The following PRTFDC1 variants were observed in gnomAD, a reference collection of about 807,000 sequenced individuals.
The protein encoded by PRTFDC1 is phosphoribosyl transferase domain containing 1.
In PRTFDC1, 38 loss-of-function variants were observed where a neutral mutation model predicts 34.6. The observed-to-expected ratio is 1.10, with a 90% CI of 0.85 to 1.44. The LOEUF (loss-of-function observed/expected upper bound fraction) is 1.44. PRTFDC1 is among the 40% of genes most tolerant of loss of function. The pLI is 0.00. For synonymous variants in PRTFDC1, 93 were observed against 98.1 expected (o/e 0.95, Z 0.31); for missense variants, 270 against 283.0 (o/e 0.95, Z 0.33).
chr10:24,860,958 A>C (rs1047085612), intron 4 of PRTFDC1, among the ~76,000 whole-genome samples: 2 of 152,238 alleles, frequency 1.3e-5, no homozygotes, highest in Non-Finnish European at 2.9e-5. Context: ...AACCTTTCTA[A>C]AATGTGTTAG....
chr10:24,945,168 A>C (rs1431029469), intron 1 of PRTFDC1, among the ~76,000 whole-genome samples: 1 of 152,168 alleles, frequency 6.6e-6, no homozygotes, highest in African/African-American at 2.4e-5. Flanking sequence ...GTGTGTGTGC[A>C]TGGGTGTGTT....
At chr10:24,862,582 C>T (rs1394727825) in intron 4 of PRTFDC1, among the ~76,000 whole-genome samples, 2 of 152,072 alleles carry the variant, frequency 1.3e-5, no homozygotes, top group Non-Finnish European at 2.9e-5. Context: ...ACCATGTTGG[C>T]CAGGCTGGTC....
chr10:24,864,537 A>G (rs1847741582), intron 4 of PRTFDC1, among the ~76,000 whole-genome samples: 2 of 152,162 alleles, frequency 1.3e-5, no homozygotes, highest in African/African-American at 4.8e-5. Context: ...AAAGATGATG[A>G]CTCACTGAAG....
At chr10:24,934,763 A>C (rs1039325934) in intron 3 of PRTFDC1, among the ~76,000 whole-genome samples, 2 of 152,164 alleles carry the variant, frequency 1.3e-5, no homozygotes, top group African/African-American at 4.8e-5. Flanking sequence ...AAAATGTATA[A>C]AACCAAGTTG....
chr10:24,900,887 T>C (rs1182194766), intron 3 of PRTFDC1, among the ~76,000 whole-genome samples: 1 of 152,228 alleles, frequency 6.6e-6, no homozygotes, highest in Non-Finnish European at 1.5e-5. Context: ...GGAAGAGCTC[T>C]GTTTCCCAGG....
chr10:24,859,983 T>C (rs535181121), intron 4 of PRTFDC1, among the ~76,000 whole-genome samples: 18 of 152,358 alleles, frequency 1.2e-4, no homozygotes, highest in Admixed American at 9.1e-4. Flanking sequence ...TGACTGTTAA[T>C]ATGCCATCCC....
At chr10:24,867,270 C>G (rs1021927751) in intron 4 of PRTFDC1, among the ~76,000 whole-genome samples, 57 of 152,268 alleles carry the variant, frequency 3.7e-4, no homozygotes, top group African/African-American at 1.3e-3. Flanking sequence ...TCATTTAACT[C>G]TGTCACGGCT....
intron 3 of PRTFDC1, among the ~76,000 whole-genome samples, chr10:24,926,679 C>T (rs1848881344): frequency 6.6e-6 from 1 of 152,154 alleles, no homozygotes; most frequent in Admixed American, 6.5e-5. Context: ...ACTTATGACC[C>T]CTGCTGCACT....
chr10:24,882,772 C>A lies in PRTFDC1; in HGVS notation c.340-10709G>T, dbSNP rs917779362. ...CCTCCCACCTCAGCCTCCCAAGTAG[C>A]TGGGACTACAGGTGTGTGCCACCAT... is the stretch of plus-strand genomic sequence containing the variant. On this transcript the variant is annotated intron_variant, in intron 3 of 8. Coordinates refer to ENST00000320152, the MANE Select transcript of PRTFDC1 (RefSeq NM_020200.7). Among the ~76,000 whole-genome samples the A allele has an allele frequency of 4.4e-4, 67 of 151,692 alleles. 1 individual carries two copies. The highest frequency in any genetic ancestry group is 1.5e-3 in the African/African-American group (63 of 41,356).
intron 6 of PRTFDC1, 34 bp downstream of exon 6, chr10:24,856,879 C>G (rs1206552978): frequency 6.4e-7 from 1 of 1,556,266 alleles, no homozygotes; most frequent in African/African-American, 1.4e-5. Context: ...GCTTGGAAAA[C>G]TAGAAATCAC....
intron 3 of PRTFDC1, among the ~76,000 whole-genome samples, chr10:24,916,501 T>C (rs1272025182): frequency 6.6e-6 from 1 of 152,170 alleles, no homozygotes; most frequent in Non-Finnish European, 1.5e-5. Flanking sequence ...CTGACTAATT[T>C]CTTCTCACTC....
At chr10:24,867,024 AAG>A (rs1001686392) in intron 4 of PRTFDC1, among the ~76,000 whole-genome samples, 1 of 151,352 alleles carries the variant, frequency 6.6e-6, no homozygotes, top group African/African-American at 2.4e-5. Flanking sequence ...AAGAAAGAAA[AAG>A]AGAGATGGAG....
chr10:24,950,450 G>T (rs556963182), intron 1 of PRTFDC1, among the ~76,000 whole-genome samples: 2 of 152,074 alleles, frequency 1.3e-5, no homozygotes, highest in Non-Finnish European at 2.9e-5. Flanking sequence ...GAGCATTTCG[G>T]ATTTTGGATT....
intron 3 of PRTFDC1, among the ~76,000 whole-genome samples, chr10:24,896,491 A>C (rs1200170313): frequency 6.6e-6 from 1 of 152,172 alleles, no homozygotes; most frequent in African/African-American, 2.4e-5. Context: ...AAGAAAGGCC[A>C]TTTCTTCACT....
At chr10:24,938,486 T>C (rs1849091857) in intron 2 of PRTFDC1, among the ~76,000 whole-genome samples, 1 of 152,192 alleles carries the variant, frequency 6.6e-6, no homozygotes, top group South Asian at 2.1e-4. Context: ...TCCCCAGCTC[T>C]GTTGTTCAAA....
At chr10:24,943,623 T>C (rs1039501077) in intron 1 of PRTFDC1, among the ~76,000 whole-genome samples, 5 of 150,060 alleles carry the variant, frequency 3.3e-5, no homozygotes, top group African/African-American at 1.2e-4. Context: ...CGATCTCTGC[T>C]CACTGCAACC....
In PRTFDC1 at chr10:24,929,052, AAAAG is replaced by A. The variant is rs1554765606; in HGVS notation, c.339+8128_339+8131del. Among the ~76,000 whole-genome samples, 9 of 116,538 alleles carry A rather than the reference AAAAG, an allele frequency of 7.7e-5. 1 individual carries two copies. Among genetic ancestry groups the A allele is most frequent in the Admixed American group, 1.8e-4 (2 of 10,812 alleles). 76.5% of individuals were successfully genotyped at this position (116,538 alleles called of 152,430 possible). A position where few individuals can be genotyped will look rare whatever the true frequency, so the allele number is the denominator to read the frequency against. On this transcript the variant is annotated intron_variant, in intron 3 of 8. Coordinates refer to ENST00000320152, the MANE Select transcript of PRTFDC1 (RefSeq NM_020200.7). ...GCAGACTCCGTCTCAAAAAAAAAAAAAAAGAAAGAAAGAAAGAAAGAAAGGGAGG... is the reference window on the plus strand; with the variant it reads ...GCAGACTCCGTCTCAAAAAAAAAAAAAAAGAAAGAAAGAAAGAAAGGGAGG...
At chr10:24,858,742 G>A (rs1847624007) in intron 4 of PRTFDC1, among the ~76,000 whole-genome samples, 1 of 152,194 alleles carries the variant, frequency 6.6e-6, no homozygotes, top group African/African-American at 2.4e-5. Flanking sequence ...GGCAAAGCCT[G>A]TTGAGAGTTT....
intron 3 of PRTFDC1, among the ~76,000 whole-genome samples, chr10:24,878,907 A>G (rs1293535813): frequency 6.6e-6 from 1 of 152,186 alleles, no homozygotes; most frequent in African/African-American, 2.4e-5. Flanking sequence ...CCGCCCCCAC[A>G]GAGGCCTTAA....
Sources: gnomAD v4.1 joint callset for allele counts (sites outside exome capture counted in the v4.1 genomes callset) on GRCh38, gnomAD v4.1.1 for gene constraint, MANE v1.5 for transcripts, NCBI Gene and HGNC (gene_info 2026-07-23, HGNC 2026-07-21) for gene names.